The following RBFOX1 variants were observed in gnomAD, a reference collection of about 807,000 sequenced individuals.
The protein encoded by RBFOX1 is RNA binding protein fox-1 homolog 1.
Under a neutral mutation model 57.7 loss-of-function variants are expected in RBFOX1, and 8 were observed. That is an observed-to-expected ratio of 0.14 (90% CI 0.08 to 0.25). The LOEUF (loss-of-function observed/expected upper bound fraction) is 0.25. Among genes scored for constraint, RBFOX1 ranks in the 10% least tolerant of loss-of-function variants. RBFOX1 has a pLI of 1.00. For missense variants in RBFOX1, 611 were observed against 548.5 expected, an observed-to-expected ratio of 1.11 and a Z score of -1.14; for synonymous variants, 326 against 222.4, an observed-to-expected ratio of 1.47 and a Z score of -4.15.
intron 2 of RBFOX1, among the ~76,000 whole-genome samples, chr16:6,591,803 C>A (rs148266349): frequency 0.012 from 1,823 of 152,248 alleles, 19 homozygotes; most frequent in Admixed American, 0.034. Context: ...AACGCACTAA[C>A]AAACCTCACT....
intron 3 of RBFOX1, among the ~76,000 whole-genome samples, chr16:5,833,111 C>G (rs927145148): frequency 6.6e-6 from 1 of 152,074 alleles, no homozygotes; most frequent in Non-Finnish European, 1.5e-5. Context: ...GGTAAGAACC[C>G]CATACTAGAG....
At chr16:7,068,221 G>T (rs9932788) in intron 4 of RBFOX1, among the ~76,000 whole-genome samples, 87 of 152,042 alleles carry the variant, frequency 5.7e-4, no homozygotes, top group Admixed American at 4.8e-3. Context: ...ATAGATCTAA[G>T]ATCAGCCAGC....
rs187575725 is a variant in RBFOX1 at position 6,808,282 on chromosome 16, T to C, written c.-16+153632T>C. Among the ~76,000 whole-genome samples, 529 of 152,016 alleles carry C rather than the reference T, an allele frequency of 3.5e-3. 3 individuals are homozygous for C. The highest frequency in any genetic ancestry group is 5.4e-3 in the Non-Finnish European group (365 of 67,982). On this transcript the variant is annotated intron_variant, in intron 3 of 15. Coordinates refer to ENST00000550418, the MANE Select transcript of RBFOX1 (RefSeq NM_018723.4). ...CCCATCACTTTGGAATTACCTCTTATCTTTTTCTCTCCTGCCTTTCTAATA... is the reference window on the plus strand; with the variant it reads ...CCCATCACTTTGGAATTACCTCTTACCTTTTTCTCTCCTGCCTTTCTAATA...
rs34468596 is a variant in RBFOX1 at position 7,610,118 on chromosome 16, C to CTTTTTTTTTTT, written c.676+2791_676+2801dup. Among the ~76,000 whole-genome samples the CTTTTTTTTTTT allele has an allele frequency of 1.4e-3, 91 of 65,606 alleles. 11 individuals are homozygous for CTTTTTTTTTTT. The highest frequency in any genetic ancestry group is 6.3e-3 in the African/African-American group (78 of 12,428). The allele number at this position is 65,606 out of a possible 152,430, so 43.0% of individuals were successfully genotyped here. ...GGTGTGAGCCACTGCGCCCGGCCCCCTTTTTTTTTTTTTTTTTTTTTGAGG... is the reference window on the plus strand; with the variant it reads ...GGTGTGAGCCACTGCGCCCGGCCCCCTTTTTTTTTTTTTTTTTTTTTTTTTTTTTTTTGAGG... On this transcript the variant is annotated intron_variant, in intron 10 of 15. Transcript: ENST00000550418.
intron 8 of RBFOX1, 126 bp downstream of exon 8, chr16:7,595,767 T>C (rs902839826): frequency 1.4e-5 from 5 of 357,874 alleles, no homozygotes; most frequent in African/African-American, 6.6e-5. Flanking sequence ...TTTATATATA[T>C]ATATATATTT....
chr16:7,169,426 C>A (rs184031902), intron 4 of RBFOX1, among the ~76,000 whole-genome samples: 2 of 152,178 alleles, frequency 1.3e-5, no homozygotes, highest in Non-Finnish European at 2.9e-5. Flanking sequence ...CGATGTTTAA[C>A]GGAATCCCTG....
chr16:6,929,942 C>G lies in RBFOX1; in HGVS notation c.-15-122115C>G, dbSNP rs149777542. On this transcript the variant is annotated intron_variant, in intron 3 of 15. Transcript: ENST00000550418. ...AAAACATCCACTATGCATTCCTTAC[C>G]CCATAGTTCGTCAGGAATCAGAATG... Among the ~76,000 whole-genome samples the G allele has an allele frequency of 5.7e-3, 868 of 152,164 alleles. 8 individuals carry two copies. The highest frequency in any genetic ancestry group is 0.036 in the South Asian group (171 of 4,814).
At chr16:6,018,883 C>G (rs1385017085), upstream of RBFOX1, among the ~76,000 whole-genome samples, 1 of 151,990 alleles carries the variant, frequency 6.6e-6, no homozygotes, top group East Asian at 2.0e-4. Context: ...CTTTCACCCT[C>G]TGTCCCCTTT....
At chr16:5,443,475 T>C (rs1007965647) in intron 1 of RBFOX1, among the ~76,000 whole-genome samples, 10 of 152,168 alleles carry the variant, frequency 6.6e-5, no homozygotes, top group Admixed American at 1.3e-4. Flanking sequence ...GTAGCTGGGA[T>C]TACAGGCACA....
chr16:7,150,440 C>A (rs761655803), intron 4 of RBFOX1, among the ~76,000 whole-genome samples: 1 of 152,152 alleles, frequency 6.6e-6, no homozygotes, highest in Non-Finnish European at 1.5e-5. Context: ...GAATCACACT[C>A]CATTGTGCAA....
intron 4 of RBFOX1, among the ~76,000 whole-genome samples, chr16:7,504,709 TTATATATATATA>T (rs1181491515): frequency 1.7e-3 from 127 of 74,422 alleles, no homozygotes; most frequent in African/African-American, 5.7e-3. Context: ...TGAAGTGAGA[TTATATATATATA>T]TATATATATA....
At chr16:6,609,430 C>T (rs1164557093) in intron 2 of RBFOX1, among the ~76,000 whole-genome samples, 2 of 152,068 alleles carry the variant, frequency 1.3e-5, no homozygotes, top group African/African-American at 4.8e-5. Flanking sequence ...CTGCAATCTC[C>T]TCTGCCTCCC....
At chr16:7,283,024 A>C (rs569909801) in intron 4 of RBFOX1, among the ~76,000 whole-genome samples, 36 of 152,258 alleles carry the variant, frequency 2.4e-4, no homozygotes, top group African/African-American at 8.4e-4. Flanking sequence ...GGTTGGTTCC[A>C]CATTTTTGCA....
chr16:7,526,668 A>G (rs542841347), intron 5 of RBFOX1, among the ~76,000 whole-genome samples: 7 of 152,348 alleles, frequency 4.6e-5, no homozygotes, highest in African/African-American at 1.2e-4. Flanking sequence ...CATCGAAATG[A>G]GAATCAGGAA....
At chr16:6,632,398 A>G (rs950731964) in intron 2 of RBFOX1, among the ~76,000 whole-genome samples, 4 of 151,960 alleles carry the variant, frequency 2.6e-5, no homozygotes, top group Non-Finnish European at 2.9e-5. Context: ...CAGTATGGAG[A>G]CCAGTTGTGT....
chr16:7,523,772 A>G (rs1029711279), intron 5 of RBFOX1, among the ~76,000 whole-genome samples: 2 of 152,194 alleles, frequency 1.3e-5, no homozygotes, highest in African/African-American at 4.8e-5. Context: ...TTACATCTGT[A>G]TACTCATCTC....
chr16:7,362,928 A>C (rs143534903), intron 4 of RBFOX1, among the ~76,000 whole-genome samples: 1 of 152,280 alleles, frequency 6.6e-6, no homozygotes, highest in East Asian at 1.9e-4. Context: ...GCTCTGCACT[A>C]GTGTGTGACC....
intron 4 of RBFOX1, among the ~76,000 whole-genome samples, chr16:7,371,062 C>T (rs558592385): frequency 6.6e-6 from 1 of 152,218 alleles, no homozygotes. Flanking sequence ...CTCCTCTCCT[C>T]TAAGCACCTT....
At chr16:6,337,498 A>C (rs1173690988) in intron 2 of RBFOX1, among the ~76,000 whole-genome samples, 1 of 152,188 alleles carries the variant, frequency 6.6e-6, no homozygotes, top group Non-Finnish European at 1.5e-5. Flanking sequence ...ATGGCAAAGG[A>C]GTGGAAATAA....
Sources: gnomAD v4.1 joint callset for allele counts (sites outside exome capture counted in the v4.1 genomes callset) on GRCh38, gnomAD v4.1.1 for gene constraint, MANE v1.5 for transcripts, NCBI Gene and HGNC (gene_info 2026-07-23, HGNC 2026-07-21) for gene names.